Variants in RASAL2 observed in about 807,000 individuals in gnomAD.
RASAL2 encodes ras GTPase-activating protein nGAP.
Under a neutral mutation model 128.9 loss-of-function variants are expected in RASAL2, and 58 were observed. The ratio of observed to expected loss-of-function variants is 0.45; its 90% CI spans 0.36 to 0.56. RASAL2 has a LOEUF of 0.56. Among genes scored for constraint, RASAL2 ranks in the 20% least tolerant of loss-of-function variants. RASAL2 has a pLI of 0.00. For missense variants in RASAL2, 1,360 were observed against 1,601.6 expected (o/e 0.85, Z 2.57); for synonymous variants, 561 against 580.8 (o/e 0.97, Z 0.49).
At chr1:178,113,049 T>C (rs1212982856) in intron 1 of RASAL2, among the ~76,000 whole-genome samples, 4 of 152,216 alleles carry the variant, frequency 2.6e-5, no homozygotes, top group African/African-American at 4.8e-5. Context: ...TGGTAAAGAA[T>C]AAGAATTGAA....
chr1:178,331,789 A>G (rs963199829), intron 3 of RASAL2, among the ~76,000 whole-genome samples: 4 of 151,560 alleles, frequency 2.6e-5, no homozygotes, highest in Admixed American at 6.6e-5. Context: ...GGGTTTCACT[A>G]TGTTGGCCAG....
intron 1 of RASAL2, among the ~76,000 whole-genome samples, chr1:178,230,303 A>G (rs1663950510): frequency 6.6e-6 from 1 of 152,186 alleles, no homozygotes; most frequent in African/African-American, 2.4e-5. Flanking sequence ...TCTCTTGAGT[A>G]AATACCTGTA....
intron 1 of RASAL2, among the ~76,000 whole-genome samples, chr1:178,276,975 C>G (rs930957222): frequency 6.6e-6 from 1 of 151,462 alleles, no homozygotes; most frequent in African/African-American, 2.4e-5. Flanking sequence ...GGTAAAACCC[C>G]ATCTCTACTA....
intron 1 of RASAL2, among the ~76,000 whole-genome samples, chr1:178,174,607 T>C (rs1233008794): frequency 1.3e-5 from 2 of 152,134 alleles, no homozygotes; most frequent in African/African-American, 4.8e-5. Flanking sequence ...TTAAACTGTT[T>C]CTAGACCAAA....
At chr1:178,143,886 T>C (rs761115051) in intron 1 of RASAL2, among the ~76,000 whole-genome samples, 10 of 152,066 alleles carry the variant, frequency 6.6e-5, no homozygotes, top group African/African-American at 1.2e-4. Context: ...ACACCTATCA[T>C]TGAACCTATG....
intron 1 of RASAL2, among the ~76,000 whole-genome samples, chr1:178,181,418 C>T (rs1662102813): frequency 6.6e-6 from 1 of 151,342 alleles, no homozygotes; most frequent in Non-Finnish European, 1.5e-5. Flanking sequence ...AGTGCAGTGG[C>T]GCGATCTCAG....
intron 1 of RASAL2, among the ~76,000 whole-genome samples, chr1:178,142,435 G>C (rs1461695834): frequency 1.3e-5 from 2 of 152,154 alleles, no homozygotes; most frequent in Non-Finnish European, 2.9e-5. Context: ...AGGAGGTGAT[G>C]TCTGCAACTA....
At chr1:178,221,547 C>T (rs1161923930) in intron 1 of RASAL2, among the ~76,000 whole-genome samples, 1 of 151,914 alleles carries the variant, frequency 6.6e-6, no homozygotes, top group Non-Finnish European at 1.5e-5. Context: ...GTTGCTTTAT[C>T]TTTATGTGTT....
intron 1 of RASAL2, among the ~76,000 whole-genome samples, chr1:178,105,440 G>A (rs1659052685): frequency 6.6e-6 from 1 of 152,154 alleles, no homozygotes; most frequent in Non-Finnish European, 1.5e-5. Context: ...TTTTAACAAT[G>A]ACTTAAAGTA....
intron 1 of RASAL2, among the ~76,000 whole-genome samples, chr1:178,234,997 G>A (rs2225586): frequency 0.27 from 40,837 of 151,912 alleles, 6,353 homozygotes; most frequent in African/African-American, 0.44. Context: ...GTGAATTTTA[G>A]TGATACTCTT....
Position 178,466,082 on chromosome 1 carries a change from C to G in RASAL2, c.3550C>G (p.Gln1184Glu). The change falls in exon 16 of 18, where the codon CAG (glutamine) becomes GAG (glutamate). Residue 1184 changes from glutamine (Q) to glutamate (E), a missense_variant. Physicochemically the swap from Gln to Glu is conservative, Grantham distance 29. Transcript: ENST00000367649. ...EDSEERLRRQ[Q>E]EEKDSQMKSI... Reference sequence around the variant, plus strand: ...CAGCGAGGAGCGGCTCCGAAGACAGCAGGAAGAAAAAGATAGCCAGATGAA... The same window carrying G: ...CAGCGAGGAGCGGCTCCGAAGACAGGAGGAAGAAAAAGATAGCCAGATGAA... 2 of 1,577,004 alleles carry G rather than the reference C, an allele frequency of 1.3e-6. No homozygotes were observed. Among genetic ancestry groups the G allele is most frequent in the Non-Finnish European group, 1.7e-6 (2 of 1,160,152 alleles).
In RASAL2 at chr1:178,240,267, A is replaced by G. The variant is rs115951629; in HGVS notation, c.203-43297A>G. On this transcript the variant is annotated intron_variant, in intron 1 of 17. Coordinates refer to ENST00000367649, the MANE Select transcript of RASAL2 (RefSeq NM_170692.4). ...TAGTGATACCGCAGATATTGTTATT[A>G]GTCCCTAGATGTAGACAGTATTTCT... Among the ~76,000 whole-genome samples the G allele has an allele frequency of 5.1e-3, 771 of 152,192 alleles. 15 individuals carry two copies. Among genetic ancestry groups the G allele is most frequent in the African/African-American group, 0.018 (742 of 41,558 alleles).
intron 3 of RASAL2, among the ~76,000 whole-genome samples, chr1:178,375,025 A>G (rs1671914315): frequency 1.3e-5 from 2 of 152,158 alleles, no homozygotes; most frequent in South Asian, 4.1e-4. Context: ...TTCAGACGAC[A>G]GTGGAGAAAA....
At chr1:178,230,828 G>A (rs1465820913) in intron 1 of RASAL2, among the ~76,000 whole-genome samples, 3 of 152,124 alleles carry the variant, frequency 2.0e-5, no homozygotes, top group African/African-American at 7.2e-5. Flanking sequence ...GCATGCTTCT[G>A]GGGTCTTGTG....
chr1:178,350,874 A>G (rs1002910936), intron 3 of RASAL2, among the ~76,000 whole-genome samples: 56 of 152,184 alleles, frequency 3.7e-4, no homozygotes, highest in African/African-American at 1.3e-3. Context: ...GCTACAAAGA[A>G]ATACCTGAGA....
chr1:178,108,389 A>C (rs530838689), intron 1 of RASAL2, among the ~76,000 whole-genome samples: 1 of 152,200 alleles, frequency 6.6e-6, no homozygotes, highest in Non-Finnish European at 1.5e-5. Flanking sequence ...CATGAGCATG[A>C]TGATAATGAT....
chr1:178,307,368 C>T (rs1317960152), intron 3 of RASAL2, among the ~76,000 whole-genome samples: 2 of 151,824 alleles, frequency 1.3e-5, no homozygotes, highest in Non-Finnish European at 2.9e-5. Context: ...TTTAGAAAAC[C>T]TAGGAAAAAA....
intron 1 of RASAL2, among the ~76,000 whole-genome samples, chr1:178,260,824 C>T (rs1287021492): frequency 6.6e-6 from 1 of 152,224 alleles, no homozygotes; most frequent in Non-Finnish European, 1.5e-5. Flanking sequence ...TCAACATGCC[C>T]ACTTACTTCT....
chr1:178,293,028 A>G (rs1318630797), intron 2 of RASAL2, among the ~76,000 whole-genome samples: 1 of 152,194 alleles, frequency 6.6e-6, no homozygotes, highest in Non-Finnish European at 1.5e-5. Context: ...CTAAAAATTA[A>G]CTGGTATTTA....
Sources: gnomAD v4.1 joint callset for allele counts (sites outside exome capture counted in the v4.1 genomes callset) on GRCh38, gnomAD v4.1.1 for gene constraint, MANE v1.5 for transcripts, NCBI Gene and HGNC (gene_info 2026-07-23, HGNC 2026-07-21) for gene names.